The following ERMARD variants were observed in gnomAD, a reference collection of about 807,000 sequenced individuals.
ERMARD encodes endoplasmic reticulum membrane-associated RNA degradation protein.
In ERMARD, 71 loss-of-function variants were observed where a neutral mutation model predicts 83.9. The ratio of observed to expected loss-of-function variants is 0.85; its 90% CI spans 0.70 to 1.03. ERMARD has a LOEUF of 1.03. Among genes scored for constraint, ERMARD ranks in the 50% least tolerant of loss-of-function variants. The pLI is 0.00. For missense variants in ERMARD, 838 were observed against 810.9 expected (o/e 1.03, Z -0.41); for synonymous variants, 284 against 298.6 (o/e 0.95, Z 0.50).
rs373359893 is a variant in ERMARD, at chr6:169,776,453, A to C, written c.1521-2A>C. On this transcript the variant is annotated splice_acceptor_variant, in intron 15 of 17. Coordinates refer to ENST00000366773, the MANE Select transcript of ERMARD (RefSeq NM_018341.3). LOFTEE classifies it high-confidence loss of function. ...CTGCTCCAAGTCTGGCTCTGTTTGCAGGTGGCCCCAGCTTCTCCGTGAGCT... is the reference window on the plus strand; with the variant it reads ...CTGCTCCAAGTCTGGCTCTGTTTGCCGGTGGCCCCAGCTTCTCCGTGAGCT... The C allele has an allele frequency of 6.2e-7, 1 of 1,612,578 alleles. No homozygotes were observed. The highest frequency in any genetic ancestry group is 8.5e-7 in the Non-Finnish European group (1 of 1,179,430).
chr6:169,762,525 T>C lies in ERMARD; in HGVS notation c.954T>C (p.Thr318=). 1 of 1,613,096 alleles carries C rather than the reference T, an allele frequency of 6.2e-7. No individual in the cohort carries two copies. Among genetic ancestry groups the C allele is most frequent in the East Asian group, 2.2e-5 (1 of 44,882 alleles). ...ACAGATGTCCAAAAAGACTCCTGAC[T>C]GCTGAGGTAAGCTTGTTTTTATTAT... ...TLNRCPKRLL[T]AESTALYTTF... The change falls in exon 9 of 18, where the codon ACT becomes ACC. Residue 318 remains threonine, a synonymous_variant. Transcript: ENST00000366773.
chr6:169,767,853 A>G, intron 10 of ERMARD: 1 of 527,208 alleles, frequency 1.9e-6, no homozygotes. Context: ...TATACACACC[A>G]CACATATTCA....
chr6:169,762,626 A>G (rs937169755), intron 9 of ERMARD, 95 bp downstream of exon 9: 33 of 1,023,364 alleles, frequency 3.2e-5, no homozygotes, highest in Middle Eastern at 2.1e-4. Context: ...ATTCTGTTTC[A>G]CATTAAAATG....
rs111551747 is a variant in ERMARD, at chr6:169,769,528, A to G, written c.1060-12A>G. 3.3e-3 allele frequency: 5,285 copies of G among 1,593,906 alleles called. 167 individuals carry two copies. The African/African-American group carries it at 0.061, about 18-fold the overall frequency. On this transcript the variant is annotated splice_polypyrimidine_tract_variant and intron_variant, in intron 11 of 17. Transcript: ENST00000366773. ...TACTAACAAAATATTTTCTCTGTTTAATTTCTGAAAGGAATTTCTCTGGGA... is the reference window on the plus strand; with the variant it reads ...TACTAACAAAATATTTTCTCTGTTTGATTTCTGAAAGGAATTTCTCTGGGA...
At chr6:169,769,123 T>G (rs1792577676) in intron 11 of ERMARD, among the ~76,000 whole-genome samples, 1 of 152,218 alleles carries the variant, frequency 6.6e-6, no homozygotes, top group African/African-American at 2.4e-5. Flanking sequence ...CTAAAACCTG[T>G]GGGAGAGGCC....
At chr6:169,763,892 T>G (rs992884298) in intron 9 of ERMARD, among the ~76,000 whole-genome samples, 1 of 152,268 alleles carries the variant, frequency 6.6e-6, no homozygotes, top group Non-Finnish European at 1.5e-5. Context: ...CTGACCCCCA[T>G]CTGATCTCTG....
rs559688946 is a variant in ERMARD at position 169,773,361 on chromosome 6, T to C, written c.1276T>C (p.Tyr426His). Reference sequence around the variant, plus strand: ...ATTGTTGATTAGTCTTGCAGAAGGCTATAGTTCTCGCTGTCATCCGGTTTT... The same window carrying C: ...ATTGTTGATTAGTCTTGCAGAAGGCCATAGTTCTCGCTGTCATCCGGTTTT... ...VELLISLAEG[Y>H]SSRCHPVFQL... The change falls in exon 13 of 18, where the codon TAT (tyrosine) becomes CAT (histidine). Residue 426 changes from tyrosine to histidine, a missense_variant. By Grantham distance (83) the Tyr-to-His change is moderately conservative. Coordinates refer to ENST00000366773, the MANE Select transcript of ERMARD (RefSeq NM_018341.3). The C allele has an allele frequency of 1.3e-5, 21 of 1,614,192 alleles. No individual in the cohort carries two copies. In the South Asian group the frequency reaches 1.3e-4, roughly 10 times the overall value.
At position 169,755,341 on chromosome 6, in the gene ERMARD, C is replaced by G; in HGVS notation, c.234C>G (p.Val78=). 1 of 1,614,130 alleles carries G rather than the reference C, an allele frequency of 6.2e-7. No individual in the cohort carries two copies. Among genetic ancestry groups the G allele is most frequent in the Non-Finnish European group, 8.5e-7 (1 of 1,180,034 alleles). Residue 78 remains valine, a synonymous_variant, in exon 3 of 18, where the codon GTC becomes GTG. Transcript: ENST00000366773. ...VRLLGPVCEA[V]HSHFLSLTKG... ...TGCTGGGCCCTGTGTGTGAGGCTGTCCATTCACATTTCTTATCTCTGACCA... is the reference window on the plus strand; with the variant it reads ...TGCTGGGCCCTGTGTGTGAGGCTGTGCATTCACATTTCTTATCTCTGACCA...
intron 16 of ERMARD, among the ~76,000 whole-genome samples, chr6:169,778,448 A>G (rs1793838521): frequency 6.6e-6 from 1 of 152,156 alleles, no homozygotes; most frequent in Admixed American, 6.5e-5. Context: ...GATTAACTTG[A>G]TTAACAGCAG....
chr6:169,766,775 C>G (rs1792267721), intron 10 of ERMARD, 108 bp downstream of exon 10: 4 of 1,208,922 alleles, frequency 3.3e-6, no homozygotes, highest in African/African-American at 1.6e-5. Context: ...CATATACTTA[C>G]AGGAAAATGT....
chr6:169,754,319 G>C (rs1371961740), intron 2 of ERMARD, among the ~76,000 whole-genome samples: 1 of 152,092 alleles, frequency 6.6e-6, no homozygotes, highest in Non-Finnish European at 1.5e-5. Context: ...AGGGCCTTGA[G>C]ATGATTCTCT....
chr6:169,752,430 C>G (rs1370614750), intron 1 of ERMARD, among the ~76,000 whole-genome samples: 1 of 152,130 alleles, frequency 6.6e-6, no homozygotes, highest in African/African-American at 2.4e-5. Context: ...AAGCACCGGC[C>G]CAGTGTAGTC....
At chr6:169,780,339 C>T (rs1160945100) in intron 17 of ERMARD, among the ~76,000 whole-genome samples, 5 of 152,204 alleles carry the variant, frequency 3.3e-5, no homozygotes, top group Non-Finnish European at 7.3e-5. Context: ...GGGATAAAAT[C>T]ACCCCAGTAG....
chr6:169,774,006 C>T (rs910562803), intron 13 of ERMARD, among the ~76,000 whole-genome samples: 3 of 152,094 alleles, frequency 2.0e-5, no homozygotes, highest in Non-Finnish European at 2.9e-5. Context: ...CAACACACGG[C>T]GGGTCAGGAG....
intron 1 of ERMARD, 70 bp downstream of exon 1, chr6:169,751,733 C>T: frequency 6.8e-7 from 1 of 1,474,444 alleles, no homozygotes; most frequent in Non-Finnish European, 9.0e-7. Context: ...GGGTGGTGCT[C>T]GGCTACGCGG....
intron 9 of ERMARD, 138 bp downstream of exon 9, chr6:169,762,669 AT>A: frequency 1.6e-6 from 1 of 640,504 alleles, no homozygotes; most frequent in Non-Finnish European, 2.7e-6. Flanking sequence ...TGGAAGGCCT[AT>A]CATTTCTATA....
At chr6:169,772,584 T>C (rs1292060653) in intron 12 of ERMARD, among the ~76,000 whole-genome samples, 1 of 151,898 alleles carries the variant, frequency 6.6e-6, no homozygotes, top group Non-Finnish European at 1.5e-5. Flanking sequence ...TGGCCAAACA[T>C]GGTGAAACCC....
chr6:169,767,856 C>G (rs1434581104), intron 10 of ERMARD: 7 of 529,848 alleles, frequency 1.3e-5, no homozygotes, highest in Non-Finnish European at 2.0e-5. Flanking sequence ...ACACACCACA[C>G]ATATTCATAG....
intron 8 of ERMARD, among the ~76,000 whole-genome samples, chr6:169,761,402 A>G (rs1314313963): frequency 6.6e-6 from 1 of 152,116 alleles, no homozygotes; most frequent in East Asian, 1.9e-4. Flanking sequence ...CTTTTTCTAG[A>G]GATGAGGTCT....
Sources: gnomAD v4.1 joint callset for allele counts (sites outside exome capture counted in the v4.1 genomes callset) on GRCh38, gnomAD v4.1.1 for gene constraint, MANE v1.5 for transcripts, NCBI Gene and HGNC (gene_info 2026-07-23, HGNC 2026-07-21) for gene names.